Variants in SORCS3 observed in about 807,000 individuals in gnomAD.
SORCS3 encodes VPS10 domain-containing receptor SorCS3.
Under a neutral mutation model 146.3 loss-of-function variants are expected in SORCS3, and 57 were observed. The observed-to-expected ratio is 0.39, with a 90% CI of 0.31 to 0.49. SORCS3 has a LOEUF of 0.49. Ranked by LOEUF, SORCS3 falls within the 20% of genes least tolerant of loss-of-function variation. The pLI is 0.92. For synonymous variants in SORCS3, 653 were observed against 618.5 expected (o/e 1.06, Z -0.83); for missense variants, 1,341 against 1,575.5 (o/e 0.85, Z 2.52).
At chr10:104,999,240 C>T (rs1176776283) in intron 4 of SORCS3, among the ~76,000 whole-genome samples, 1 of 152,188 alleles carries the variant, frequency 6.6e-6, no homozygotes. Context: ...TTATCCTCTA[C>T]TTTTTCTTAA....
rs3001926 is a variant in SORCS3 at position 104,867,372 on chromosome 10, A to T, written c.695+24513A>T. Among the ~76,000 whole-genome samples the T allele has an allele frequency of 7.3e-5, 11 of 150,742 alleles. 1 individual carries two copies. The highest frequency in any genetic ancestry group is 1.0e-4 in the Non-Finnish European group (7 of 67,684). Reference sequence around the variant, plus strand: ...TCGCCCAGGCTGGAGTGCAGTGGCGAGATCTCGGCTCATTGCAAGCTCCGC... The same window carrying T: ...TCGCCCAGGCTGGAGTGCAGTGGCGTGATCTCGGCTCATTGCAAGCTCCGC... On this transcript the variant is annotated intron_variant, in intron 2 of 26. Coordinates refer to ENST00000369701, the MANE Select transcript of SORCS3 (RefSeq NM_014978.3).
intron 3 of SORCS3, among the ~76,000 whole-genome samples, chr10:104,970,208 G>A (rs957507085): frequency 2.0e-5 from 3 of 152,020 alleles, no homozygotes; most frequent in Admixed American, 1.3e-4. Flanking sequence ...GTGCAGTGGC[G>A]TGATCTTGGC....
At chr10:104,667,802 A>G (rs2015800057) in intron 1 of SORCS3, among the ~76,000 whole-genome samples, 1 of 152,088 alleles carries the variant, frequency 6.6e-6, no homozygotes, top group Non-Finnish European at 1.5e-5. Context: ...TCTTAATACA[A>G]CTGGTCCAAG....
chr10:105,099,893 G>A (rs2055771384), intron 6 of SORCS3, among the ~76,000 whole-genome samples: 1 of 152,142 alleles, frequency 6.6e-6, no homozygotes, highest in Admixed American at 6.5e-5. Context: ...AATCTTCTGA[G>A]GGCAAGAACC....
chr10:105,046,474 G>A (rs76233368), intron 5 of SORCS3, among the ~76,000 whole-genome samples: 8,938 of 152,108 alleles, frequency 0.059, 775 homozygotes, highest in African/African-American at 0.19. Context: ...GATTTCTGAC[G>A]AGGACACAGC....
intron 11 of SORCS3, among the ~76,000 whole-genome samples, chr10:105,160,477 A>G (rs2056252811): frequency 6.6e-6 from 1 of 152,084 alleles, no homozygotes; most frequent in African/African-American, 2.4e-5. Flanking sequence ...AAATACAAAA[A>G]TTAACCAGGT....
intron 14 of SORCS3, among the ~76,000 whole-genome samples, chr10:105,190,526 G>A (rs2056509811): frequency 2.0e-5 from 3 of 152,152 alleles, no homozygotes; most frequent in Admixed American, 6.5e-5. Context: ...AGCCTCCTGA[G>A]TGGCTGGGAT....
At chr10:105,060,714 G>A (rs1336341354) in intron 5 of SORCS3, among the ~76,000 whole-genome samples, 1 of 152,072 alleles carries the variant, frequency 6.6e-6, no homozygotes, top group Non-Finnish European at 1.5e-5. Flanking sequence ...TGAGGCAGGC[G>A]GATCACCTAG....
chr10:104,658,009 A>C (rs2015653584), intron 1 of SORCS3, among the ~76,000 whole-genome samples: 1 of 152,208 alleles, frequency 6.6e-6, no homozygotes, highest in South Asian at 2.1e-4. Context: ...TATTTTGTTG[A>C]ATTATTAATA....
At chr10:104,673,801 T>C (rs1464620608) in intron 1 of SORCS3, among the ~76,000 whole-genome samples, 1 of 152,122 alleles carries the variant, frequency 6.6e-6, no homozygotes, top group Admixed American at 6.6e-5. Context: ...ACCATAGGGA[T>C]TATATTTAAC....
intron 1 of SORCS3, among the ~76,000 whole-genome samples, chr10:104,766,397 A>T (rs2017180257): frequency 6.6e-6 from 1 of 152,226 alleles, no homozygotes; most frequent in African/African-American, 2.4e-5. Context: ...GCATGGAGCA[A>T]ATAGTGGCAT....
chr10:104,761,024 A>AGCTTCATTTATCTGGAAAATGT (rs1438994166), intron 1 of SORCS3, among the ~76,000 whole-genome samples: 3 of 152,150 alleles, frequency 2.0e-5, no homozygotes, highest in African/African-American at 7.2e-5. Flanking sequence ...CTTAAGGATA[A>AGCTTCATTTATCTGGAAAATGT]GCTTCATTTA....
chr10:105,173,117 A>G (rs2056373075), intron 13 of SORCS3, among the ~76,000 whole-genome samples: 1 of 152,168 alleles, frequency 6.6e-6, no homozygotes, highest in Non-Finnish European at 1.5e-5. Context: ...AAAAGCATCA[A>G]TCTTGACATG....
At chr10:104,731,053 A>T (rs1439968816) in intron 1 of SORCS3, among the ~76,000 whole-genome samples, 2 of 152,212 alleles carry the variant, frequency 1.3e-5, no homozygotes, top group East Asian at 3.8e-4. Context: ...TCATGGTTGG[A>T]AGGGCAGGTA....
chr10:104,931,172 G>A (rs760795058), intron 3 of SORCS3, among the ~76,000 whole-genome samples: 8 of 149,822 alleles, frequency 5.3e-5, no homozygotes, highest in Non-Finnish European at 1.2e-4. Flanking sequence ...CTGAGTCTCA[G>A]GGGGGGAGTC....
At chr10:105,061,382 C>T (rs1388203413) in intron 5 of SORCS3, among the ~76,000 whole-genome samples, 10 of 150,952 alleles carry the variant, frequency 6.6e-5, no homozygotes, top group Non-Finnish European at 5.9e-5. Context: ...ACAAGCTCCG[C>T]CTCCCAGGTT....
chr10:105,084,774 A>G (rs1421237679), intron 5 of SORCS3, among the ~76,000 whole-genome samples: 1 of 147,322 alleles, frequency 6.8e-6, no homozygotes, highest in Non-Finnish European at 1.5e-5. Context: ...TCTGTCGCCC[A>G]GGCTGAAGTG....
At chr10:104,845,357 A>G (rs1039062653) in intron 2 of SORCS3, among the ~76,000 whole-genome samples, 3 of 152,238 alleles carry the variant, frequency 2.0e-5, no homozygotes, top group Non-Finnish European at 4.4e-5. Flanking sequence ...CAGCATCTAG[A>G]AGATTATTTG....
intron 6 of SORCS3, among the ~76,000 whole-genome samples, chr10:105,094,042 C>T (rs771580036): frequency 4.9e-4 from 75 of 151,968 alleles, no homozygotes; most frequent in Non-Finnish European, 7.9e-4. Flanking sequence ...GGATGCTACT[C>T]GGTATTACTC....
Sources: allele counts gnomAD v4.1 joint callset (sites outside exome capture counted in the v4.1 genomes callset), GRCh38; gene constraint gnomAD v4.1.1; transcripts MANE v1.5; gene names NCBI Gene and HGNC (gene_info 2026-07-23, HGNC 2026-07-21).